GALNTL5: variants seen among roughly 807,000 people sequenced by gnomAD.
GALNTL5 encodes inactive polypeptide N-acetylgalactosaminyltransferase-like protein 5.
A neutral mutation model predicts 51.0 loss-of-function variants in GALNTL5; 44 were observed. That is an observed-to-expected ratio of 0.86 (90% CI 0.68 to 1.11). The LOEUF (loss-of-function observed/expected upper bound fraction) is 1.11, where lower values mean the gene tolerates loss of function less well. Among genes scored for constraint, GALNTL5 ranks in the 50% least tolerant of loss-of-function variants. The pLI, the probability that GALNTL5 is intolerant of heterozygous loss-of-function variation, is 0.00. For synonymous variants in GALNTL5, 192 were observed against 182.8 expected (o/e 1.05, Z -0.41); for missense variants, 528 against 531.8 (o/e 0.99, Z 0.07).
intron 7 of GALNTL5, among the ~76,000 whole-genome samples, chr7:152,008,201 G>T (rs556111992): frequency 2.0e-5 from 3 of 151,568 alleles, no homozygotes; most frequent in South Asian, 4.2e-4. Context: ...ATTGTTTGAA[G>T]CCAGGAGTTC....
intron 8 of GALNTL5, among the ~76,000 whole-genome samples, chr7:152,019,423 C>T (rs560157075): frequency 1.2e-4 from 18 of 152,288 alleles, no homozygotes; most frequent in Admixed American, 1.0e-3. Flanking sequence ...TCCTGGATCC[C>T]GCTAGGGTGC....
intron 7 of GALNTL5, among the ~76,000 whole-genome samples, chr7:152,009,062 C>G (rs949980190): frequency 1.3e-5 from 2 of 152,142 alleles, no homozygotes; most frequent in Non-Finnish European, 2.9e-5. Context: ...TTCAATGGCG[C>G]CTTTCCTGAT....
rs948464920 is a variant in GALNTL5, at chr7:151,987,284, A to G, written c.658+3A>G. 1 of 1,569,850 alleles carries G rather than the reference A, an allele frequency of 6.4e-7. No individual in the cohort carries two copies. On this transcript the variant is annotated splice_donor_region_variant and intron_variant, in intron 5 of 8. Transcript: ENST00000392800. ...GATTGGAGCTTCTCATGCTTCAGGT[A>G]GGAACATTCCTGGGGACAAGAGCCA... is the stretch of plus-strand genomic sequence containing the variant.
In GALNTL5 at chr7:152,007,715, G is replaced by T. The variant is rs1178356527; in HGVS notation, c.909-112G>T. ...TTACAGGCATGAGCCTCCACACCCG[G>T]CCTGTTTTCTCATTTTAAACTATAA... On this transcript the variant is annotated intron_variant, in intron 6 of 8. Transcript: ENST00000392800. 4 of 740,786 alleles carry T rather than the reference G, an allele frequency of 5.4e-6. No homozygotes were observed. The African/African-American group carries it at 7.2e-5, about 13-fold the overall frequency. 45.9% of individuals were successfully genotyped at this position (740,786 alleles called of 1,614,324 possible).
chr7:151,977,513 CTATG>C (rs2081221923), intron 3 of GALNTL5, among the ~76,000 whole-genome samples: 1 of 152,044 alleles, frequency 6.6e-6, no homozygotes. Flanking sequence ...CAAAAAAAGT[CTATG>C]TATGATTCAA....
rs557037625 is a variant in GALNTL5 at position 152,005,981 on chromosome 7, A to G, written c.909-1846A>G. Among the ~76,000 whole-genome samples the G allele has an allele frequency of 2.0e-5, 3 of 152,284 alleles. No individual in the cohort carries two copies. The East Asian group carries it at 5.8e-4, about 29-fold the overall frequency. On this transcript the variant is annotated intron_variant, in intron 6 of 8. Coordinates refer to ENST00000392800, the MANE Select transcript of GALNTL5 (RefSeq NM_145292.4). Reference sequence around the variant, plus strand: ...GTCATGGATAGGATGGATGAGAATCACTATGTGGGTGAGTGGAGAAGTGTA... The same window carrying G: ...GTCATGGATAGGATGGATGAGAATCGCTATGTGGGTGAGTGGAGAAGTGTA...
chr7:151,984,060 A>G (rs10952341), intron 4 of GALNTL5: 126,959 of 151,654 alleles, frequency 0.84, 53,235 homozygotes, highest in Admixed American at 0.87. Context: ...TAAAAAAAGC[A>G]GGGCACGGGG....
chr7:151,957,419 C>A (rs1225783959), intron 1 of GALNTL5, among the ~76,000 whole-genome samples: 1 of 150,264 alleles, frequency 6.7e-6, no homozygotes, highest in Non-Finnish European at 1.5e-5. Context: ...GTGGCACTCA[C>A]CAGCCTGTAG....
At chr7:151,966,333 T>C (rs1466698869) in intron 1 of GALNTL5, among the ~76,000 whole-genome samples, 2 of 152,100 alleles carry the variant, frequency 1.3e-5, no homozygotes, top group African/African-American at 2.4e-5. Context: ...AGTGGTGCGA[T>C]CTTGGCTCAC....
intron 5 of GALNTL5, among the ~76,000 whole-genome samples, chr7:151,991,859 T>C (rs2081432382): frequency 6.6e-6 from 1 of 152,190 alleles, no homozygotes; most frequent in Non-Finnish European, 1.5e-5. Context: ...ATAGAGATGA[T>C]AGATTAAAAT....
At chr7:151,980,006 GTATTGGCCTTCCGT>G (rs2081259064) in intron 3 of GALNTL5, among the ~76,000 whole-genome samples, 3 of 152,118 alleles carry the variant, frequency 2.0e-5, no homozygotes, top group Admixed American at 1.3e-4. Context: ...CTTATTCATG[GTATTGGCCTTCCGT>G]TAATTCAGTC....
intron 3 of GALNTL5, among the ~76,000 whole-genome samples, chr7:151,971,573 A>C (rs1200315553): frequency 6.6e-6 from 1 of 152,164 alleles, no homozygotes; most frequent in Admixed American, 6.5e-5. Context: ...AGACATTCAC[A>C]TTGTGCAGCC....
intron 4 of GALNTL5, among the ~76,000 whole-genome samples, chr7:151,983,769 GAA>G (rs1403248254): frequency 1.3e-5 from 2 of 152,120 alleles, no homozygotes; most frequent in African/African-American, 4.8e-5. Context: ...GGAGAGGAAG[GAA>G]AAAGTGTTTT....
chr7:151,982,928 G>T, intron 3 of GALNTL5, 58 bp from the exon 4 acceptor site: 1 of 1,612,780 alleles, frequency 6.2e-7, no homozygotes. Context: ...TGAACGAGAT[G>T]ACACAACATC....
At chr7:152,016,307 G>A (rs1186212922) in intron 8 of GALNTL5, among the ~76,000 whole-genome samples, 1 of 151,998 alleles carries the variant, frequency 6.6e-6, no homozygotes, top group Non-Finnish European at 1.5e-5. Context: ...AGGAGGCTGA[G>A]GGAGGAGAAT....
intron 3 of GALNTL5, among the ~76,000 whole-genome samples, chr7:151,979,750 CCT>C (rs2081256025): frequency 6.6e-6 from 1 of 151,942 alleles, no homozygotes; most frequent in African/African-American, 2.4e-5. Context: ...AGCCACTGCA[CCT>C]GGCCAGGAAA....
chr7:151,973,964 A>G (rs758679781), intron 3 of GALNTL5, among the ~76,000 whole-genome samples: 3 of 152,058 alleles, frequency 2.0e-5, no homozygotes, highest in Admixed American at 1.3e-4. Flanking sequence ...TTAAAGTGGA[A>G]GTTTCCCCCG....
chr7:151,989,317 A>AT (rs1262898882), intron 5 of GALNTL5, among the ~76,000 whole-genome samples: 4 of 149,940 alleles, frequency 2.7e-5, no homozygotes, highest in Non-Finnish European at 4.5e-5. Flanking sequence ...CACCCAGCTA[A>AT]TTTTTTTGTA....
intron 2 of GALNTL5, among the ~76,000 whole-genome samples, chr7:151,968,858 A>G (rs1004661862): frequency 1.3e-5 from 2 of 152,102 alleles, no homozygotes; most frequent in Non-Finnish European, 2.9e-5. Context: ...CTTAATTTGT[A>G]TTTCCCTGAT....
Sources: allele counts gnomAD v4.1 joint callset (sites outside exome capture counted in the v4.1 genomes callset), GRCh38; gene constraint gnomAD v4.1.1; transcripts MANE v1.5; gene names NCBI Gene and HGNC (gene_info 2026-07-23, HGNC 2026-07-21).